The following CCBE1 variants were observed in gnomAD, a reference collection of about 807,000 sequenced individuals.
CCBE1 encodes the protein collagen and calcium-binding EGF domain-containing protein 1.
In CCBE1, 37 loss-of-function variants were observed where a neutral mutation model predicts 50.0. The observed-to-expected ratio is 0.74, with a 90% CI of 0.57 to 0.97. CCBE1 has a LOEUF of 0.97. CCBE1 is among the 50% of genes least tolerant of loss of function. The pLI is 0.00. For missense variants in CCBE1, 538 were observed against 523.8 expected (o/e 1.03, Z -0.26); for synonymous variants, 234 against 203.7 (o/e 1.15, Z -1.27).
intron 4 of CCBE1, among the ~76,000 whole-genome samples, chr18:59,468,619 G>A (rs1254390950): frequency 6.6e-6 from 1 of 152,038 alleles, no homozygotes; most frequent in Non-Finnish European, 1.5e-5. Context: ...TCTCAGAAAT[G>A]GTGCTCCCTA....
rs141817198 is a variant in CCBE1 at position 59,559,598 on chromosome 18, T to C, written c.213-79360A>G. ...ACAGCTGGCGGAAGCATAAAGCCTC[T>C]TGTGTTTAATAACAGAACTGGCCAA... On this transcript the variant is annotated intron_variant, in intron 2 of 10. Coordinates refer to ENST00000439986, the MANE Select transcript of CCBE1 (RefSeq NM_133459.4). Among the ~76,000 whole-genome samples the C allele has an allele frequency of 8.3e-3, 1,267 of 152,308 alleles. 18 individuals carry two copies. The highest frequency in any genetic ancestry group is 0.029 in the African/African-American group (1,186 of 41,574).
intron 3 of CCBE1, 60 bp from the exon 4 acceptor site, chr18:59,469,667 T>C (rs1302540499): frequency 4.3e-6 from 7 of 1,610,252 alleles, no homozygotes; most frequent in African/African-American, 2.7e-5. Context: ...AACCTGGCCC[T>C]GGCCTGGAAA....
intron 2 of CCBE1, among the ~76,000 whole-genome samples, chr18:59,579,579 A>G (rs1258680545): frequency 6.6e-6 from 1 of 152,170 alleles, no homozygotes; most frequent in South Asian, 2.1e-4. Context: ...TTTGTAATGC[A>G]TTTGTCCACA....
intron 2 of CCBE1, among the ~76,000 whole-genome samples, chr18:59,559,279 A>T (rs2052698783): frequency 6.6e-6 from 1 of 152,212 alleles, no homozygotes; most frequent in African/African-American, 2.4e-5. Context: ...TGGGAAGTGC[A>T]TGTCCAGTCC....
rs1236232279 is a variant in CCBE1 at position 59,432,631 on chromosome 18, G to A, written c.*3277C>T. On this transcript the variant is annotated 3_prime_UTR_variant, in exon 11 of 11. Transcript: ENST00000439986. ...GCAGTAGTCCAAGTTTTGAAAATCT[G>A]AGGATTAAAAATTATTTTCTAAATT... The A allele has an allele frequency of 6.6e-6, 1 of 152,152 alleles. No individual in the cohort carries two copies. 9.4% of individuals were successfully genotyped at this position (152,152 alleles called of 1,614,324 possible). A position where few individuals can be genotyped will look rare whatever the true frequency, so the allele number is the denominator to read the frequency against.
intron 2 of CCBE1, among the ~76,000 whole-genome samples, chr18:59,648,036 G>T (rs144190066): frequency 1.2e-4 from 18 of 152,312 alleles, no homozygotes; most frequent in African/African-American, 4.3e-4. Context: ...GTGACAAAGA[G>T]AACATAGTTA....
chr18:59,572,323 T>C (rs1002787662), intron 2 of CCBE1, among the ~76,000 whole-genome samples: 1 of 152,224 alleles, frequency 6.6e-6, no homozygotes, highest in Non-Finnish European at 1.5e-5. Context: ...CCTGTGAAGC[T>C]GGAACCAATT....
Position 59,480,199 on chromosome 18 carries a change from T to C in CCBE1, c.252A>G (p.Gln84=), listed in dbSNP as rs201929225. 1.3e-6 allele frequency: 2 copies of C among 1,595,568 alleles called. No individual in the cohort carries two copies. The highest frequency in any genetic ancestry group is 1.3e-5 in the African/African-American group (1 of 74,538). The change falls in exon 3 of 11, where the codon CAA becomes CAG. Residue 84 remains glutamine, a synonymous_variant. Coordinates refer to ENST00000439986, the MANE Select transcript of CCBE1 (RefSeq NM_133459.4). ...TATATTACATACCTTCTGGGATGCA[T>C]TGTCCAAGAACAAATTTATATCCTT... ...CCKGYKFVLG[Q]CIPEDYDVCA...
chr18:59,577,316 G>A (rs1322832745), intron 2 of CCBE1, among the ~76,000 whole-genome samples: 1 of 152,186 alleles, frequency 6.6e-6, no homozygotes, highest in East Asian at 1.9e-4. Context: ...AGTTCCAGCT[G>A]GAGTTGGTTT....
At chr18:59,604,056 G>GT (rs1318044819) in intron 2 of CCBE1, among the ~76,000 whole-genome samples, 6 of 152,202 alleles carry the variant, frequency 3.9e-5, no homozygotes, top group African/African-American at 1.4e-4. Flanking sequence ...GGTATCTGTT[G>GT]TTTCTCTCTG....
intron 2 of CCBE1, among the ~76,000 whole-genome samples, chr18:59,660,967 C>T (rs188827307): frequency 6.6e-6 from 1 of 152,152 alleles, no homozygotes; most frequent in African/African-American, 2.4e-5. Flanking sequence ...ACTATTTCTT[C>T]CCATGACTAC....
chr18:59,680,353 T>C (rs1295249948), intron 2 of CCBE1, among the ~76,000 whole-genome samples: 3 of 152,096 alleles, frequency 2.0e-5, no homozygotes, highest in Non-Finnish European at 4.4e-5. Context: ...GACTTTTCCC[T>C]TTAGTTTAGC....
At chr18:59,603,244 A>T (rs564535965) in intron 2 of CCBE1, among the ~76,000 whole-genome samples, 1 of 152,324 alleles carries the variant, frequency 6.6e-6, no homozygotes, top group Admixed American at 6.5e-5. Context: ...AGAGCATAGA[A>T]TTTGGCCCCT....
At chr18:59,442,365 G>A (rs7243460) in intron 7 of CCBE1, among the ~76,000 whole-genome samples, 125,475 of 152,212 alleles carry the variant, frequency 0.82, 51,781 homozygotes, top group South Asian at 0.91. Context: ...GTGTTTATAT[G>A]CATTCATGCA....
At chr18:59,695,064 T>A (rs1330867870) in intron 2 of CCBE1, among the ~76,000 whole-genome samples, 1 of 152,166 alleles carries the variant, frequency 6.6e-6, no homozygotes, top group Non-Finnish European at 1.5e-5. Flanking sequence ...GTAATGGCAT[T>A]AACAAACAAT....
rs899905594 is a variant in CCBE1 at position 59,589,209 on chromosome 18, A to G, written c.212+107420T>C. Reference sequence around the variant, plus strand: ...AGTATATCTACTTCCTAGATTGCCAATTCACCAACTTACATTATAGTTATC... The same window carrying G: ...AGTATATCTACTTCCTAGATTGCCAGTTCACCAACTTACATTATAGTTATC... On this transcript the variant is annotated intron_variant, in intron 2 of 10. Transcript: ENST00000439986. Among the ~76,000 whole-genome samples the G allele has an allele frequency of 1.4e-4, 22 of 152,164 alleles. No homozygotes were observed. In the East Asian group the frequency reaches 2.9e-3, roughly 20 times the overall value.
In CCBE1 at chr18:59,431,226, T is replaced by G. The variant is rs1412209814; in HGVS notation, c.*4682A>C. The G allele has an allele frequency of 6.6e-6, 1 of 152,238 alleles. No homozygotes were observed. The highest frequency in any genetic ancestry group is 1.5e-5 in the Non-Finnish European group (1 of 68,040). The allele number at this position is 152,238 out of a possible 1,614,324, so 9.4% of individuals were successfully genotyped here. A position where few individuals can be genotyped will look rare whatever the true frequency, so the allele number is the denominator to read the frequency against. On this transcript the variant is annotated 3_prime_UTR_variant, in exon 11 of 11. Transcript: ENST00000439986. ...TTGTTGAGGGAGCATGTGAAGTTCATGATTATATGCCTTAACAATTACAGT... is the reference window on the plus strand; with the variant it reads ...TTGTTGAGGGAGCATGTGAAGTTCAGGATTATATGCCTTAACAATTACAGT...
rs1245896266 is a variant in CCBE1, at chr18:59,587,481, AT to A, written c.213-107244del. ...ACCAAACCAGGAATAGAAGAGATTT[AT>A]TTTAATCCCGTTATATTAGTCAGGA... On this transcript the variant is annotated intron_variant, in intron 2 of 10. Coordinates refer to ENST00000439986, the MANE Select transcript of CCBE1 (RefSeq NM_133459.4). Among the ~76,000 whole-genome samples the A allele has an allele frequency of 3.9e-5, 6 of 152,354 alleles. No individual in the cohort carries two copies. In the South Asian group the frequency reaches 1.0e-3, roughly 26 times the overall value.
At chr18:59,453,568 C>T (rs1471301381) in intron 6 of CCBE1, among the ~76,000 whole-genome samples, 3 of 152,188 alleles carry the variant, frequency 2.0e-5, no homozygotes, top group Non-Finnish European at 4.4e-5. Flanking sequence ...TTTCTCTTCT[C>T]AGCCTGTTGA....
Sources: allele counts gnomAD v4.1 joint callset (sites outside exome capture counted in the v4.1 genomes callset), GRCh38; gene constraint gnomAD v4.1.1; transcripts MANE v1.5; gene names NCBI Gene and HGNC (gene_info 2026-07-23, HGNC 2026-07-21).